PAK2: variants seen among roughly 807,000 people sequenced by gnomAD.
The protein encoded by PAK2 is serine/threonine-protein kinase PAK 2.
In PAK2, 21 loss-of-function variants were observed where a neutral mutation model predicts 65.9. That is an observed-to-expected ratio of 0.32 (90% CI 0.23 to 0.46). The LOEUF (loss-of-function observed/expected upper bound fraction) is 0.46. Ranked by LOEUF, PAK2 falls within the 20% of genes least tolerant of loss-of-function variation. PAK2 has a pLI of 1.00. For missense variants in PAK2, 324 were observed against 642.6 expected, an observed-to-expected ratio of 0.50 and a Z score of 5.36; for synonymous variants, 204 against 219.7, an observed-to-expected ratio of 0.93 and a Z score of 0.63.
intron 1 of PAK2, among the ~76,000 whole-genome samples, chr3:196,764,413 C>A (rs1454609507): frequency 2.0e-5 from 3 of 151,826 alleles, no homozygotes; most frequent in African/African-American, 7.3e-5. Flanking sequence ...GTCAGGAGTT[C>A]AAGACCAGCC....
intron 12 of PAK2, among the ~76,000 whole-genome samples, chr3:196,818,697 G>GAAACCC (rs1711557399): frequency 6.6e-6 from 1 of 152,078 alleles, no homozygotes; most frequent in Admixed American, 6.6e-5. Context: ...ATCTTAATGG[G>GAAACCC]GAAGCTCTCA....
At chr3:196,821,022 T>C (rs1368694546) in intron 13 of PAK2, among the ~76,000 whole-genome samples, 1 of 152,102 alleles carries the variant, frequency 6.6e-6, no homozygotes, top group East Asian at 1.9e-4. Context: ...GTACTTTTCA[T>C]AGAGACGGGG....
intron 1 of PAK2, among the ~76,000 whole-genome samples, chr3:196,754,894 T>C (rs1713719306): frequency 6.6e-6 from 1 of 152,224 alleles, no homozygotes; most frequent in Non-Finnish European, 1.5e-5. Context: ...CAATTCTTGA[T>C]TCTGCTTTGA....
At chr3:196,784,311 G>T in intron 2 of PAK2, among the ~76,000 whole-genome samples, 1 of 117,282 alleles carries the variant, frequency 8.5e-6, no homozygotes, top group African/African-American at 3.3e-5. Context: ...GTGCCATGCT[G>T]GTGCGCTGCA....
chr3:196,792,269 A>T lies in PAK2; in HGVS notation c.187+9436A>T, dbSNP rs1206611397. On this transcript the variant is annotated intron_variant, in intron 2 of 14. Coordinates refer to ENST00000327134, the MANE Select transcript of PAK2 (RefSeq NM_002577.4). ...ACATTAAATTGTAAACTACTAGTTTATCGTTAACTAATAAATAATTTCTCC... is the reference window on the plus strand; with the variant it reads ...ACATTAAATTGTAAACTACTAGTTTTTCGTTAACTAATAAATAATTTCTCC... Among the ~76,000 whole-genome samples, 8 of 152,380 alleles carry T rather than the reference A, an allele frequency of 5.3e-5. No individual in the cohort carries two copies. In the East Asian group the frequency reaches 1.2e-3, roughly 22 times the overall value.
At position 196,793,172 on chromosome 3, in the gene PAK2, C is replaced by T. The variant is rs562764895; in HGVS notation, c.188-8755C>T. ...CACACATCCATGTAAGTGTTATCCC[C>T]ATCCTCCGGAAGGAAAAAAGAATAA... On this transcript the variant is annotated intron_variant, in intron 2 of 14. Transcript: ENST00000327134. Among the ~76,000 whole-genome samples, 413 of 152,286 alleles carry T rather than the reference C, an allele frequency of 2.7e-3. 3 individuals carry two copies. The highest frequency in any genetic ancestry group is 0.017 in the South Asian group (83 of 4,830).
intron 1 of PAK2, among the ~76,000 whole-genome samples, chr3:196,779,720 T>A (rs1254556204): frequency 6.6e-6 from 1 of 152,334 alleles, no homozygotes; most frequent in Admixed American, 6.5e-5. Flanking sequence ...TTACCCACGC[T>A]GGAGTACAAT....
At chr3:196,814,685 T>A (rs1335872941) in intron 11 of PAK2, 117 bp downstream of exon 11, 2 of 660,148 alleles carry the variant, frequency 3.0e-6, no homozygotes, top group South Asian at 1.7e-5. Flanking sequence ...TCTGTATACA[T>A]TCTCTGCAAA....
Position 196,758,287 on chromosome 3 carries a change from G to GT in PAK2, c.-22+18131dup, listed in dbSNP as rs1416086691. Among the ~76,000 whole-genome samples, 12 of 152,392 alleles carry GT rather than the reference G, an allele frequency of 7.9e-5. No individual in the cohort carries two copies. In the East Asian group the frequency reaches 2.3e-3, roughly 29 times the overall value. On this transcript the variant is annotated intron_variant, in intron 1 of 14. Coordinates refer to ENST00000327134, the MANE Select transcript of PAK2 (RefSeq NM_002577.4). ...AGGAAATAAACCAATACTTGTGGCA[G>GT]TGAAGAGGTATCAGAGGTTTCCTGA...
chr3:196,811,324 T>TTCCC (rs1560113920), intron 8 of PAK2, among the ~76,000 whole-genome samples: 2 of 2,360 alleles, frequency 8.5e-4, no homozygotes, highest in African/African-American at 3.1e-3. Flanking sequence ...CTTTCCTTCC[T>TTCCC]TCCCTTCCCT....
At chr3:196,818,826 T>C (rs1027088237) in intron 12 of PAK2, among the ~76,000 whole-genome samples, 1 of 152,176 alleles carries the variant, frequency 6.6e-6, no homozygotes, top group Admixed American at 6.6e-5. Flanking sequence ...GCCTCAGTAT[T>C]CCTATTTGTA....
intron 11 of PAK2, among the ~76,000 whole-genome samples, 178 bp downstream of exon 11, chr3:196,814,746 C>T (rs1715938007): frequency 6.6e-6 from 1 of 152,130 alleles, no homozygotes; most frequent in East Asian, 1.9e-4. Context: ...CAGCCCTTTC[C>T]TTCAGGTATA....
chr3:196,761,745 G>A lies in PAK2; in HGVS notation c.-21-20881G>A, dbSNP rs1301414886. ...CCAGTAGGGGCGGCCGGGCAGAGGC[G>A]CCCCTCACCTCCCGGACGGGGCGGC... On this transcript the variant is annotated intron_variant, in intron 1 of 14. Coordinates refer to ENST00000327134, the MANE Select transcript of PAK2 (RefSeq NM_002577.4). Among the ~76,000 whole-genome samples the A allele has an allele frequency of 6.1e-5, 9 of 146,822 alleles. No individual in the cohort carries two copies. The East Asian group carries it at 1.0e-3, about 17-fold the overall frequency.
intron 1 of PAK2, among the ~76,000 whole-genome samples, chr3:196,780,712 T>C (rs1314000148): frequency 6.6e-6 from 1 of 152,238 alleles, no homozygotes; most frequent in Non-Finnish European, 1.5e-5. Flanking sequence ...AAATATACCA[T>C]AGTGCTAGTG....
At chr3:196,773,718 A>G (rs1411304068) in intron 1 of PAK2, among the ~76,000 whole-genome samples, 4 of 152,072 alleles carry the variant, frequency 2.6e-5, no homozygotes, top group African/African-American at 9.7e-5. Context: ...TCTACTCAAA[A>G]ATACAAAAAT....
At chr3:196,804,883 GTC>G (rs1715538489) in intron 4 of PAK2, among the ~76,000 whole-genome samples, 1 of 151,262 alleles carries the variant, frequency 6.6e-6, no homozygotes, top group Non-Finnish European at 1.5e-5. Context: ...ATATATGTAT[GTC>G]TCTGGGCATT....
intron 2 of PAK2, among the ~76,000 whole-genome samples, chr3:196,797,560 T>C (rs1715296199): frequency 6.6e-6 from 1 of 152,036 alleles, no homozygotes; most frequent in African/African-American, 2.4e-5. Flanking sequence ...AAGACCAACC[T>C]GACCAACATG....
intron 1 of PAK2, among the ~76,000 whole-genome samples, chr3:196,748,769 G>A (rs560962469): frequency 1.1e-3 from 162 of 152,246 alleles, no homozygotes; most frequent in Non-Finnish European, 1.9e-3. Flanking sequence ...ATTGATGTGT[G>A]GAGTTTTTTA....
At position 196,804,828 on chromosome 3, in the gene PAK2, CATATAT is replaced by C. The variant is rs113952444; in HGVS notation, c.437-512_437-507del. Among the ~76,000 whole-genome samples, 7 of 147,620 alleles carry C rather than the reference CATATAT, an allele frequency of 4.7e-5. No individual in the cohort carries two copies. In the East Asian group the frequency reaches 5.9e-4, roughly 13 times the overall value. ...TGTGATATATATATATATATATACA[CATATAT>C]ATATATATATACACACACACATATA... On this transcript the variant is annotated intron_variant, in intron 4 of 14. Coordinates refer to ENST00000327134, the MANE Select transcript of PAK2 (RefSeq NM_002577.4).
Sources: allele counts gnomAD v4.1 joint callset (sites outside exome capture counted in the v4.1 genomes callset), GRCh38; gene constraint gnomAD v4.1.1; transcripts MANE v1.5; gene names NCBI Gene and HGNC (gene_info 2026-07-23, HGNC 2026-07-21).